MFSD12: variants seen among roughly 807,000 people sequenced by gnomAD.
The protein encoded by MFSD12 is major facilitator superfamily domain containing 12, also known as major facilitator superfamily domain-containing protein 12.
In MFSD12, 67 loss-of-function variants were observed where a neutral mutation model predicts 51.2. The ratio of observed to expected loss-of-function variants is 1.31; its 90% CI spans 1.08 to 1.60. MFSD12 has a LOEUF of 1.60. Ranked by LOEUF, MFSD12 falls within the 40% of genes most tolerant of loss-of-function variation. MFSD12 has a pLI of 0.00. For synonymous variants in MFSD12, 441 were observed against 316.7 expected, an observed-to-expected ratio of 1.39 and a Z score of -4.17; for missense variants, 921 against 673.0, an observed-to-expected ratio of 1.37 and a Z score of -4.08.
chr19:3,544,806 C>A lies in MFSD12; in HGVS notation c.1420+3G>T. On this transcript the variant is annotated splice_donor_region_variant and intron_variant, in intron 9 of 9. Coordinates refer to ENST00000355415, the MANE Select transcript of MFSD12 (RefSeq NM_174983.5). ...GGGGAGGGAGGGGTGGGCCAGGACTCACAGCGTCGCAGGCGGGTCGGCCAC... is the reference window on the plus strand; with the variant it reads ...GGGGAGGGAGGGGTGGGCCAGGACTAACAGCGTCGCAGGCGGGTCGGCCAC... 6.2e-7 allele frequency: 1 copy of A among 1,611,994 alleles called. No homozygotes were observed. Among genetic ancestry groups the A allele is most frequent in the Non-Finnish European group, 8.5e-7 (1 of 1,179,100 alleles).
chr19:3,550,220 T>C (rs1014441739), intron 2 of MFSD12, among the ~76,000 whole-genome samples: 5 of 152,064 alleles, frequency 3.3e-5, no homozygotes, highest in African/African-American at 4.8e-5. Flanking sequence ...AGCTCAGCCA[T>C]GCTGGACTCC....
rs1373218483 is a variant in MFSD12 at position 3,551,805 on chromosome 19, C to CCCT, written c.299-614_299-612dup. 6.6e-6 allele frequency among the ~76,000 whole-genome samples: 1 copy of CCCT among 152,182 alleles called. No homozygotes were observed. The highest frequency in any genetic ancestry group is 1.9e-4 in the East Asian group (1 of 5,184). ...GGAGCCCTTTGCGACCTGCCCTGTC[C>CCCT]CCTCCGTGCCCTGCCCTGCCCTTCC... is the stretch of plus-strand genomic sequence containing the variant. On this transcript the variant is annotated intron_variant, in intron 1 of 9. Transcript: ENST00000355415. This position sits in a 1 kb window ranked among gnomAD's most constrained non-coding sequence, Gnocchi z 4.6.
At chr19:3,540,858 C>A (rs1263296965), downstream of MFSD12, among the ~76,000 whole-genome samples, 2 of 97,548 alleles carry the variant, frequency 2.1e-5, no homozygotes, top group Non-Finnish European at 4.1e-5. Flanking sequence ...CAGCCCAGAG[C>A]GAAACTCCAT....
At position 3,547,828 on chromosome 19, in the gene MFSD12, C is replaced by T. The variant is rs1568257154; in HGVS notation, c.837+20G>A. 4 of 1,475,538 alleles carry T rather than the reference C, an allele frequency of 2.7e-6. No homozygotes were observed. The highest frequency in any genetic ancestry group is 3.6e-6 in the Non-Finnish European group (4 of 1,115,388). 91.4% of individuals were successfully genotyped at this position (1,475,538 alleles called of 1,614,324 possible). On this transcript the variant is annotated intron_variant, in intron 4 of 9. Transcript: ENST00000355415. ...GTGGGAGAGAAGGCCCACGCCAGCC[C>T]CACCGTCCCCAGCACGCACCTGGTA...
intron 8 of MFSD12, 74 bp downstream of exon 8, chr19:3,546,000 C>A: frequency 6.6e-7 from 1 of 1,512,194 alleles, no homozygotes; most frequent in Non-Finnish European, 9.2e-7. Flanking sequence ...ACCCAGAACA[C>A]TGCTGGACAC....
At chr19:3,552,409 C>G (rs1321788188) in intron 1 of MFSD12, among the ~76,000 whole-genome samples, 1 of 151,076 alleles carries the variant, frequency 6.6e-6, no homozygotes, top group Non-Finnish European at 1.5e-5. Context: ...CTCAGGTGAT[C>G]CACCCGCCTC....
chr19:3,545,998 C>G lies in MFSD12; in HGVS notation c.1289+76G>C, dbSNP rs1189024806. The G allele has an allele frequency of 4.0e-6, 6 of 1,485,974 alleles. No homozygotes were observed. In the East Asian group the frequency reaches 1.4e-4, roughly 34 times the overall value. The allele number at this position is 1,485,974 out of a possible 1,614,324, so 92.0% of individuals were successfully genotyped here. A position where few individuals can be genotyped will look rare whatever the true frequency, so the allele number is the denominator to read the frequency against. Reference sequence around the variant, plus strand: ...CACAGCTGGATGCCCAGACCCAGAACACTGCTGGACACACAGCAGGCGCTT... The same window carrying G: ...CACAGCTGGATGCCCAGACCCAGAAGACTGCTGGACACACAGCAGGCGCTT... On this transcript the variant is annotated intron_variant, in intron 8 of 9. Transcript: ENST00000355415.
Position 3,551,301 on chromosome 19 carries a change from C to A in MFSD12, c.299-107G>T. On this transcript the variant is annotated intron_variant, in intron 1 of 9. Coordinates refer to ENST00000355415, the MANE Select transcript of MFSD12 (RefSeq NM_174983.5). The surrounding 1 kb of genome is among the most constrained non-coding windows in gnomAD (Gnocchi z 4.6). ...AGGGAAACTGAGGCACAGATGGAGACGCCCCCCGCATGCACACAGTCACGC... is the reference window on the plus strand; with the variant it reads ...AGGGAAACTGAGGCACAGATGGAGAAGCCCCCCGCATGCACACAGTCACGC... 10 of 878,786 alleles carry A rather than the reference C, an allele frequency of 1.1e-5. No individual in the cohort carries two copies. Among genetic ancestry groups the A allele is most frequent in the Non-Finnish European group, 1.7e-5 (10 of 584,522 alleles). The allele number at this position is 878,786 out of a possible 1,614,324, so 54.4% of individuals were successfully genotyped here. A position where few individuals can be genotyped will look rare whatever the true frequency, so the allele number is the denominator to read the frequency against.
rs2031212538 is a variant in MFSD12 at position 3,547,968 on chromosome 19, G to A, written c.717C>T (p.Thr239=). ...AVFSLLFHLG[T]RERRRPHAEE... ...CCGCATGCGGCCGGCGCCTCTCCCG[G>A]GTGCCCAGGTGGAATAGCAGTGAGA... The change falls in exon 4 of 10, where the codon ACC becomes ACT. Residue 239 remains threonine (T), a synonymous_variant. Coordinates refer to ENST00000355415, the MANE Select transcript of MFSD12 (RefSeq NM_174983.5). The A allele has an allele frequency of 6.3e-7, 1 of 1,597,382 alleles. No individual in the cohort carries two copies. Among genetic ancestry groups the A allele is most frequent in the African/African-American group, 1.3e-5 (1 of 74,580 alleles).
chr19:3,549,197 A>C (rs1261760716), intron 2 of MFSD12, among the ~76,000 whole-genome samples: 2 of 152,158 alleles, frequency 1.3e-5, no homozygotes, highest in Non-Finnish European at 2.9e-5. Flanking sequence ...GCCTCTAGCA[A>C]GTTAGTGGAT....
chr19:3,544,446 G>C lies in MFSD12; in HGVS notation c.*264C>G, dbSNP rs139334559. 1.5e-6 allele frequency: 2 copies of C among 1,339,608 alleles called. No homozygotes were observed. Among genetic ancestry groups the C allele is most frequent in the East Asian group, 5.5e-5 (2 of 36,420 alleles). The allele number at this position is 1,339,608 out of a possible 1,614,324, so 83.0% of individuals were successfully genotyped here. On this transcript the variant is annotated 3_prime_UTR_variant, in exon 10 of 10. Transcript: ENST00000355415. Reference sequence around the variant, plus strand: ...GGATTCCTACTTCCTGTTCCCTGCCGAGAGGGGCACCCCAAATCCTCCAGA... The same window carrying C: ...GGATTCCTACTTCCTGTTCCCTGCCCAGAGGGGCACCCCAAATCCTCCAGA...
chr19:3,539,456 T>C, downstream of MFSD12: 1 of 570,208 alleles, frequency 1.8e-6, no homozygotes, highest in Admixed American at 3.0e-5. Context: ...GCTACAGACC[T>C]GGAGACAGGC....
chr19:3,543,368 T>C (rs2030600539), downstream of MFSD12: 1 of 1,548,934 alleles, frequency 6.5e-7, no homozygotes, highest in Non-Finnish European at 8.7e-7. Flanking sequence ...CTCGGACGCC[T>C]GGGAAGCCTG....
chr19:3,555,109 TTTG>T (rs933402779), intron 1 of MFSD12, among the ~76,000 whole-genome samples: 1 of 152,092 alleles, frequency 6.6e-6, no homozygotes, highest in Non-Finnish European at 1.5e-5. Flanking sequence ...CTTGTTTTGG[TTTG>T]TTGTTGTTGT....
downstream of MFSD12, chr19:3,543,898 C>T (rs1477801210): frequency 1.3e-6 from 2 of 1,550,924 alleles, no homozygotes; most frequent in Non-Finnish European, 1.7e-6. Flanking sequence ...TCCCTGTCGG[C>T]ACCCCAGCGC....
At chr19:3,544,036 T>C (rs769893558), downstream of MFSD12, 30 of 1,513,296 alleles carry the variant, frequency 2.0e-5, no homozygotes, top group South Asian at 3.8e-4. Context: ...ATGCACCCAC[T>C]GTCTCTGCAC....
chr19:3,556,735 G>A (rs2031742937), intron 1 of MFSD12, among the ~76,000 whole-genome samples: 1 of 152,074 alleles, frequency 6.6e-6, no homozygotes. Context: ...CAGCCAGAGG[G>A]GTGAAAACTC....
At chr19:3,544,066 C>A (rs1381172758), downstream of MFSD12, 23 of 1,475,610 alleles carry the variant, frequency 1.6e-5, no homozygotes, top group Non-Finnish European at 2.1e-5. Flanking sequence ...GGGGCACTAA[C>A]CTAGTCCCAG....
downstream of MFSD12, chr19:3,542,614 C>T (rs2030506514): frequency 1.3e-6 from 1 of 751,316 alleles, no homozygotes; most frequent in South Asian, 6.0e-5. Flanking sequence ...GCTGGGATTA[C>T]AGGTGCCCCC....
Sources: gnomAD v4.1 joint callset for allele counts (sites outside exome capture counted in the v4.1 genomes callset) on GRCh38, gnomAD v4.1.1 for gene constraint, Gnocchi (gnomAD v3.1) non-coding constraint, MANE v1.5 for transcripts, NCBI Gene and HGNC (gene_info 2026-07-23, HGNC 2026-07-21) for gene names.